ROBO2: variants seen among roughly 807,000 people sequenced by gnomAD.
ROBO2 encodes roundabout guidance receptor 2, also known as roundabout homolog 2.
Under a neutral mutation model 160.8 loss-of-function variants are expected in ROBO2, and 53 were observed. That is an observed-to-expected ratio of 0.33 (90% confidence interval 0.26 to 0.41). ROBO2 has a LOEUF of 0.41. ROBO2 is among the 10% of genes least tolerant of loss of function. The pLI is 1.00. For missense variants in ROBO2, 1,577 were observed against 1,722.4 expected (o/e 0.92, Z 1.49); for synonymous variants, 664 against 611.7 (o/e 1.09, Z -1.26).
chr3:77,040,369 C>A, exon 1 of ROBO2: 1 of 1,004,988 alleles, frequency 1.0e-6, no homozygotes, highest in Non-Finnish European at 1.2e-6. Context: ...TTCGGCAGCG[C>A]GCTGGCAAGT....
chr3:76,143,474 C>T (rs1219610051), intron 2 of ROBO2, among the ~76,000 whole-genome samples: 1 of 151,960 alleles, frequency 6.6e-6, no homozygotes, highest in Non-Finnish European at 1.5e-5. Flanking sequence ...CACCAAGTTC[C>T]TTGATAAGGA....
intron 2 of ROBO2, among the ~76,000 whole-genome samples, chr3:76,575,843 T>C (rs1211342521): frequency 6.6e-6 from 1 of 151,894 alleles, no homozygotes; most frequent in East Asian, 1.9e-4. Flanking sequence ...TTTAGTTGAG[T>C]TTTTAGATTT....
chr3:77,484,683 G>T (rs2085134561), intron 4 of ROBO2, among the ~76,000 whole-genome samples: 2 of 151,920 alleles, frequency 1.3e-5, no homozygotes, highest in Non-Finnish European at 2.9e-5. Context: ...AGAAGATGAT[G>T]ATTTGGCCCA....
At chr3:76,359,996 C>A (rs1380802409) in intron 2 of ROBO2, among the ~76,000 whole-genome samples, 2 of 152,054 alleles carry the variant, frequency 1.3e-5, no homozygotes, top group Non-Finnish European at 2.9e-5. Context: ...TGGCTATCAT[C>A]TTTGACCCTG....
intron 2 of ROBO2, among the ~76,000 whole-genome samples, chr3:77,353,598 C>T (rs2068650688): frequency 6.6e-6 from 1 of 152,114 alleles, no homozygotes; most frequent in African/African-American, 2.4e-5. Flanking sequence ...GCAACCTCCG[C>T]CTCCTGGGTT....
chr3:76,258,154 CT>C lies in ROBO2; in HGVS notation c.109+320561del, dbSNP rs551546658. On this transcript the variant is annotated intron_variant, in intron 2 of 26. Coordinates refer to the ROBO2 transcript ENST00000487694. ...TTAAGCGTCTTATCAAAACTAAACA[CT>C]TTTTTTTTCCAACATAAAAGTTTCT... Among the ~76,000 whole-genome samples the C allele has an allele frequency of 2.2e-3, 339 of 151,284 alleles. 2 individuals carry two copies. Among genetic ancestry groups the C allele is most frequent in the African/African-American group, 7.5e-3 (310 of 41,302 alleles).
chr3:76,328,656 C>T (rs950726966), intron 2 of ROBO2, among the ~76,000 whole-genome samples: 4 of 151,722 alleles, frequency 2.6e-5, no homozygotes, highest in African/African-American at 7.3e-5. Context: ...GTCAGGGGAT[C>T]GAGACCATCC....
intron 2 of ROBO2, among the ~76,000 whole-genome samples, chr3:77,234,875 T>C (rs1172753157): frequency 6.6e-6 from 1 of 152,206 alleles, no homozygotes; most frequent in African/African-American, 2.4e-5. Context: ...GGAGTGTTTC[T>C]TAATGCTCAG....
At chr3:77,009,521 T>C (rs1286971616) in intron 2 of ROBO2, among the ~76,000 whole-genome samples, 3 of 152,218 alleles carry the variant, frequency 2.0e-5, no homozygotes, top group Admixed American at 2.0e-4. Flanking sequence ...AATGTTTAAG[T>C]ACTCTATGAT....
At chr3:76,266,740 T>C (rs180993415) in intron 2 of ROBO2, among the ~76,000 whole-genome samples, 12 of 152,254 alleles carry the variant, frequency 7.9e-5, no homozygotes, top group Admixed American at 2.0e-4. Context: ...ATCTGAGTTA[T>C]CTTAAACAGT....
At chr3:77,419,294 T>C (rs1031203763) in intron 2 of ROBO2, among the ~76,000 whole-genome samples, 1 of 152,092 alleles carries the variant, frequency 6.6e-6, no homozygotes, top group Non-Finnish European at 1.5e-5. Flanking sequence ...CCGTCATGTA[T>C]TGAACATAGT....
chr3:77,146,237 T>A (rs1040770558), intron 2 of ROBO2, among the ~76,000 whole-genome samples: 12 of 152,146 alleles, frequency 7.9e-5, no homozygotes, highest in African/African-American at 2.9e-4. Context: ...ACCTGTTTGC[T>A]TATACATGAG....
At chr3:76,670,667 G>A (rs2092231655) in intron 2 of ROBO2, among the ~76,000 whole-genome samples, 1 of 151,934 alleles carries the variant, frequency 6.6e-6, no homozygotes, top group Non-Finnish European at 1.5e-5. Context: ...AGAGCCTTCT[G>A]TGGTGTCACA....
intron 2 of ROBO2, among the ~76,000 whole-genome samples, chr3:76,458,464 A>G (rs1426020344): frequency 1.3e-5 from 2 of 152,254 alleles, no homozygotes; most frequent in East Asian, 3.9e-4. Context: ...GCCATTCAAC[A>G]TGTCTCTAGG....
chr3:76,497,266 G>T (rs1382768262), intron 2 of ROBO2, among the ~76,000 whole-genome samples: 1 of 152,018 alleles, frequency 6.6e-6, no homozygotes, highest in Non-Finnish European at 1.5e-5. Flanking sequence ...TGTGATCTTG[G>T]CTCACCACAG....
chr3:77,278,943 G>A (rs1021527473), intron 2 of ROBO2, among the ~76,000 whole-genome samples: 7 of 152,106 alleles, frequency 4.6e-5, no homozygotes, highest in African/African-American at 1.4e-4. Context: ...GCTGGCATTA[G>A]TTAACCGCTT....
At chr3:77,360,069 G>T (rs970236829) in intron 2 of ROBO2, among the ~76,000 whole-genome samples, 1 of 152,124 alleles carries the variant, frequency 6.6e-6, no homozygotes, top group Admixed American at 6.6e-5. Context: ...CTGTGTTCCA[G>T]CATTGCTAGG....
chr3:76,842,503 A>C (rs1037957207), intron 2 of ROBO2, among the ~76,000 whole-genome samples: 1 of 152,170 alleles, frequency 6.6e-6, no homozygotes, highest in African/African-American at 2.4e-5. Context: ...GCTGCTTATA[A>C]ACCCTAGAGA....
chr3:77,071,850 C>G (rs1183920461), intron 1 of ROBO2, among the ~76,000 whole-genome samples: 1 of 152,124 alleles, frequency 6.6e-6, no homozygotes, highest in East Asian at 1.9e-4. Flanking sequence ...AATAACAAAT[C>G]TATCCACCAC....
Sources: gnomAD v4.1 joint callset for allele counts (sites outside exome capture counted in the v4.1 genomes callset) on GRCh38, gnomAD v4.1.1 for gene constraint, MANE v1.5 for transcripts, NCBI Gene and HGNC (gene_info 2026-07-23, HGNC 2026-07-21) for gene names.